Variants in ZSCAN18 observed in about 807,000 individuals in gnomAD.
ZSCAN18 encodes the protein zinc finger and SCAN domain-containing protein 18.
In ZSCAN18, 16 loss-of-function variants were observed where a neutral mutation model predicts 31.1. The ratio of observed to expected loss-of-function variants is 0.51; its 90% CI spans 0.35 to 0.78. The LOEUF is 0.78. ZSCAN18 is among the 30% of genes least tolerant of loss of function. ZSCAN18 has a pLI of 0.01. For missense variants in ZSCAN18, 731 were observed against 697.4 expected, an observed-to-expected ratio of 1.05 and a Z score of -0.54; for synonymous variants, 375 against 320.7, an observed-to-expected ratio of 1.17 and a Z score of -1.81.
chr19:58,110,843 C>T (rs140235283), intron 1 of ZSCAN18, among the ~76,000 whole-genome samples: 58 of 152,278 alleles, frequency 3.8e-4, no homozygotes, highest in East Asian at 3.1e-3. Flanking sequence ...ATGCACACTC[C>T]ATGTGTGTAT....
chr19:58,113,662 C>A (rs2074706542), intron 1 of ZSCAN18, among the ~76,000 whole-genome samples: 1 of 152,108 alleles, frequency 6.6e-6, no homozygotes, highest in Non-Finnish European at 1.5e-5. Context: ...TTTTCACAAC[C>A]GTGGTAAGAC....
chr19:58,098,304 G>C, upstream of ZSCAN18: 1 of 985,476 alleles, frequency 1.0e-6, no homozygotes, highest in Non-Finnish European at 1.2e-6. Flanking sequence ...AGGCTGTGCC[G>C]CGCACCGGGG....
intron 1 of ZSCAN18, among the ~76,000 whole-genome samples, chr19:58,116,864 G>A (rs758611435): frequency 1.8e-4 from 27 of 152,176 alleles, no homozygotes; most frequent in Non-Finnish European, 3.1e-4. Flanking sequence ...GAGGTGTGGT[G>A]ATGTGGCTAA....
chr19:58,088,420 T>G, intron 3 of ZSCAN18: 1 of 401,984 alleles, frequency 2.5e-6, no homozygotes, highest in Non-Finnish European at 4.6e-6. Flanking sequence ...AGAGGGTTCA[T>G]GGTCGGGGGT....
intron 1 of ZSCAN18, among the ~76,000 whole-genome samples, chr19:58,117,012 C>G (rs185921103): frequency 6.6e-6 from 1 of 152,174 alleles, no homozygotes; most frequent in Non-Finnish European, 1.5e-5. Flanking sequence ...CTCAGCCTCC[C>G]GAGCAGCTGG....
At chr19:58,100,696 A>AGG (rs1555802417), upstream of ZSCAN18, among the ~76,000 whole-genome samples, 15 of 150,026 alleles carry the variant, frequency 1.0e-4, 1 homozygote, top group East Asian at 2.0e-4. Context: ...TCACGAGGTC[A>AGG]ACATGGTGAA....
chr19:58,095,714 G>A (rs1185830307), intron 1 of ZSCAN18, among the ~76,000 whole-genome samples: 1 of 152,220 alleles, frequency 6.6e-6, no homozygotes, highest in Non-Finnish European at 1.5e-5. Flanking sequence ...GGCCAAGACA[G>A]TGGGGGACAC....
At position 58,105,140 on chromosome 19, in the gene ZSCAN18, C is replaced by T. The variant is rs2074625335; in HGVS notation, c.130+13127G>A. Among the ~76,000 whole-genome samples, 6 of 152,094 alleles carry T rather than the reference C, an allele frequency of 3.9e-5. 2 individuals are homozygous for T. The South Asian group carries it at 1.2e-3, about 32-fold the overall frequency. ...GTGCTGTCTATAAATGTAAACAAAG[C>T]CTGGATGACAGTACGTGTTTACAGT... is the stretch of plus-strand genomic sequence containing the variant. On this transcript the variant is annotated intron_variant, in intron 1 of 1. Coordinates refer to the ZSCAN18 transcript ENST00000595721.
chr19:58,110,826 T>C (rs11667581), intron 1 of ZSCAN18, among the ~76,000 whole-genome samples: 83,716 of 152,074 alleles, frequency 0.55, 25,286 homozygotes, highest in Non-Finnish European at 0.68. Flanking sequence ...TGAGTGTTCA[T>C]ATGTGTATGC....
intron 2 of ZSCAN18, among the ~76,000 whole-genome samples, chr19:58,089,620 G>C (rs527386037): frequency 6.6e-6 from 1 of 152,204 alleles, no homozygotes; most frequent in African/African-American, 2.4e-5. Context: ...CTGAGACTCC[G>C]TCTCAAAAAT....
rs1297075858 is a variant in ZSCAN18 at position 58,103,758 on chromosome 19, A to C, written c.131-13372T>G. ...AAGGCAGAGTCAGACCTCTAACTTC[A>C]AATCAAAAGCTAGAAATGATTAAGC... On this transcript the variant is annotated intron_variant, in intron 1 of 1. Transcript: ENST00000595721. Among the ~76,000 whole-genome samples the C allele has an allele frequency of 2.0e-5, 3 of 151,930 alleles. No homozygotes were observed. The East Asian group carries it at 5.8e-4, about 29-fold the overall frequency.
chr19:58,099,390 A>G (rs950305848), upstream of ZSCAN18, among the ~76,000 whole-genome samples: 1 of 152,154 alleles, frequency 6.6e-6, no homozygotes, highest in African/African-American at 2.4e-5. Context: ...TTCACTGAAC[A>G]TAATTCCTTT....
At chr19:58,088,993 C>G (rs374726302) in intron 2 of ZSCAN18, among the ~76,000 whole-genome samples, 156 bp from the exon 3 acceptor site, 1 of 152,200 alleles carries the variant, frequency 6.6e-6, no homozygotes, top group East Asian at 1.9e-4. Context: ...CTGCAAAGTA[C>G]CCAGAATATT....
intron 1 of ZSCAN18, chr19:58,108,205 G>A: frequency 1.0e-6 from 1 of 985,640 alleles, no homozygotes; most frequent in Non-Finnish European, 1.2e-6. Context: ...ATTCTCCCAT[G>A]TTTAATAAGT....
At chr19:58,105,585 C>T (rs1428850145) in intron 1 of ZSCAN18, among the ~76,000 whole-genome samples, 1 of 152,052 alleles carries the variant, frequency 6.6e-6, no homozygotes, top group Non-Finnish European at 1.5e-5. Context: ...GGCATGAACC[C>T]GGAAGGCAGA....
In ZSCAN18 at chr19:58,098,075, T is replaced by C. The variant is rs368974344; in HGVS notation, c.-120+99A>G. 36 of 985,516 alleles carry C rather than the reference T, an allele frequency of 3.7e-5. 1 individual carries two copies. In the South Asian group the frequency reaches 6.6e-4, roughly 18 times the overall value. The allele number at this position is 985,516 out of a possible 1,614,324, so 61.0% of individuals were successfully genotyped here. A position where few individuals can be genotyped will look rare whatever the true frequency, so the allele number is the denominator to read the frequency against. On this transcript the variant is annotated intron_variant, in intron 1 of 6. Coordinates refer to ENST00000601144, the MANE Select transcript of ZSCAN18 (RefSeq NM_001145543.2). ...TCGCACCCCAACCCCGGGAACACCC[T>C]GGCCCCTTTCCCTAACGCTGCCCAC...
intron 1 of ZSCAN18, among the ~76,000 whole-genome samples, chr19:58,106,022 C>T (rs1476602933): frequency 1.3e-5 from 2 of 152,058 alleles, no homozygotes; most frequent in African/African-American, 4.8e-5. Context: ...GCTATAGCTG[C>T]CATAGATAGT....
chr19:58,101,023 T>C (rs927882827), upstream of ZSCAN18, among the ~76,000 whole-genome samples: 2 of 152,210 alleles, frequency 1.3e-5, no homozygotes, highest in African/African-American at 4.8e-5. Flanking sequence ...CAGGTCTATT[T>C]CCGGGTTCTC....
intron 1 of ZSCAN18, among the ~76,000 whole-genome samples, chr19:58,093,677 T>C (rs2074461103): frequency 6.6e-6 from 1 of 152,224 alleles, no homozygotes; most frequent in Non-Finnish European, 1.5e-5. Flanking sequence ...TGGCTCTATC[T>C]TGCTACTGTC....
Sources: gnomAD v4.1 joint callset for allele counts (sites outside exome capture counted in the v4.1 genomes callset) on GRCh38, gnomAD v4.1.1 for gene constraint, MANE v1.5 for transcripts, NCBI Gene and HGNC (gene_info 2026-07-23, HGNC 2026-07-21) for gene names.